The following EHD1 variants were observed in gnomAD, a reference collection of about 807,000 sequenced individuals.
The protein encoded by EHD1 is EH domain containing 1, also known as EH domain-containing protein 1.
Under a neutral mutation model 39.0 loss-of-function variants are expected in EHD1, and 19 were observed. The ratio of observed to expected loss-of-function variants is 0.49; its 90% confidence interval spans 0.34 to 0.72. EHD1 has a LOEUF of 0.72. EHD1 is among the 30% of genes least tolerant of loss of function. EHD1 has a pLI of 0.01. For missense variants in EHD1, 542 were observed against 751.5 expected, an observed-to-expected ratio of 0.72 and a Z score of 3.26; for synonymous variants, 323 against 331.2, an observed-to-expected ratio of 0.98 and a Z score of 0.27.
chr11:64,876,711 T>C (rs1943888922), intron 1 of EHD1, among the ~76,000 whole-genome samples: 1 of 152,196 alleles, frequency 6.6e-6, no homozygotes, highest in Non-Finnish European at 1.5e-5. Context: ...GCTCTGAAAC[T>C]CTAGGCTTCC....
intron 2 of EHD1, among the ~76,000 whole-genome samples, chr11:64,873,481 C>T (rs2136499253): frequency 6.6e-6 from 1 of 152,230 alleles, no homozygotes; most frequent in South Asian, 2.1e-4. Context: ...ACAGCATGGC[C>T]CGATTCTGAT....
chr11:64,872,388 G>A (rs1184436617), intron 2 of EHD1, among the ~76,000 whole-genome samples: 1 of 152,124 alleles, frequency 6.6e-6, no homozygotes, highest in African/African-American at 2.4e-5. Context: ...TTGAACCAGG[G>A]AGGAGGAGGT....
In EHD1 at chr11:64,859,953, C is replaced by T. The variant is rs1405546039; in HGVS notation, c.886G>A (p.Asp296Asn). The T allele has an allele frequency of 6.2e-7, 1 of 1,613,452 alleles. No homozygotes were observed. Among genetic ancestry groups the T allele is most frequent in the East Asian group, 2.2e-5 (1 of 44,882 alleles). The part of the protein sequence containing the change: ...PRNAALRKLN[D>N]LIKRARLAKV... ...GCCAGCCGTGCCCGCTTGATCAGGT[C>T]ATTGAGCTTCCTGAGGGCGGCGTTT... is the stretch of plus-strand genomic sequence containing the variant. The change falls in exon 3 of 5, where the codon GAC becomes AAC. Residue 296 changes from aspartate to asparagine, a missense_variant. Transcript: ENST00000320631.
intron 1 of EHD1, 129 bp from the exon 2 acceptor site, chr11:64,874,647 G>A (rs2136501295): frequency 1.4e-6 from 1 of 722,680 alleles, no homozygotes; most frequent in Non-Finnish European, 2.1e-6. Flanking sequence ...GAACTGACAG[G>A]TGGTTTTCTA....
At chr11:64,876,492 C>A (rs998047432) in intron 1 of EHD1, among the ~76,000 whole-genome samples, 1 of 152,244 alleles carries the variant, frequency 6.6e-6, no homozygotes, top group Non-Finnish European at 1.5e-5. Context: ...GCACCAATGT[C>A]ATCAAAGCAC....
intron 2 of EHD1, among the ~76,000 whole-genome samples, chr11:64,865,623 T>C (rs1307412029): frequency 6.6e-6 from 1 of 152,148 alleles, no homozygotes; most frequent in African/African-American, 2.4e-5. Flanking sequence ...CCCCCTCTGA[T>C]AAGGGATCAT....
chr11:64,872,867 G>T (rs1289641711), intron 2 of EHD1, among the ~76,000 whole-genome samples: 1 of 152,216 alleles, frequency 6.6e-6, no homozygotes. Context: ...CCTAGCTGCC[G>T]GCTTTGACTG....
In EHD1 at chr11:64,859,938, C is replaced by A. The variant is rs772435067; in HGVS notation, c.901G>T (p.Ala301Ser). The change falls in exon 3 of 5, where the codon GCA (alanine) becomes TCA (serine). Residue 301 changes from alanine (A) to serine (S), a missense_variant. Transcript: ENST00000320631. Reference protein sequence around the residue: ...LRKLNDLIKRARLAKVHAYII... With the variant: ...LRKLNDLIKRSRLAKVHAYII... ...CCAGGGTCTACCTTGGCCAGCCGTG[C>A]CCGCTTGATCAGGTCATTGAGCTTC... The A allele has an allele frequency of 6.2e-7, 1 of 1,611,980 alleles. No individual in the cohort carries two copies. Among genetic ancestry groups the A allele is most frequent in the Admixed American group, 1.7e-5 (1 of 59,970 alleles).
At chr11:64,862,816 G>C (rs919778681) in intron 2 of EHD1, among the ~76,000 whole-genome samples, 1 of 152,228 alleles carries the variant, frequency 6.6e-6, no homozygotes, top group Non-Finnish European at 1.5e-5. Context: ...TGAGGCTGCA[G>C]TGAGCCGTGA....
chr11:64,864,050 A>G (rs1943743276), intron 2 of EHD1, among the ~76,000 whole-genome samples: 3 of 152,198 alleles, frequency 2.0e-5, no homozygotes, highest in Admixed American at 2.0e-4. Flanking sequence ...ATGTAAGGAA[A>G]ATCCCAAATC....
chr11:64,875,443 C>G (rs1376454171), intron 1 of EHD1, among the ~76,000 whole-genome samples: 2 of 152,124 alleles, frequency 1.3e-5, no homozygotes, highest in African/African-American at 2.4e-5. Flanking sequence ...CCCAGCTACT[C>G]GGCAGGCTGA....
chr11:64,865,352 C>G (rs1252274749), intron 2 of EHD1, among the ~76,000 whole-genome samples: 4 of 152,258 alleles, frequency 2.6e-5, no homozygotes, highest in Non-Finnish European at 5.9e-5. Context: ...CTGAGCCACT[C>G]TCTAGATCAG....
In EHD1 at chr11:64,853,994, A is replaced by G; in HGVS notation, c.*339T>C. The G allele has an allele frequency of 3.0e-6, 1 of 329,310 alleles. No individual in the cohort carries two copies. Among genetic ancestry groups the G allele is most frequent in the Non-Finnish European group, 5.7e-6 (1 of 176,490 alleles). 20.4% of individuals were successfully genotyped at this position (329,310 alleles called of 1,614,324 possible). A position where few individuals can be genotyped will look rare whatever the true frequency, so the allele number is the denominator to read the frequency against. ...GGCGACCTGGCTCCCCCACGGTCGC[A>G]GTCGCTGCACTGTCCAGCTCCAGCC... On this transcript the variant is annotated 3_prime_UTR_variant, in exon 5 of 5. Transcript: ENST00000320631.
chr11:64,863,339 C>T (rs1426835548), intron 2 of EHD1, among the ~76,000 whole-genome samples: 1 of 152,152 alleles, frequency 6.6e-6, no homozygotes, highest in African/African-American at 2.4e-5. Flanking sequence ...AAAACAGCAG[C>T]GAGGTGGGAG....
At chr11:64,870,945 C>T (rs1943822522) in intron 2 of EHD1, among the ~76,000 whole-genome samples, 2 of 152,184 alleles carry the variant, frequency 1.3e-5, no homozygotes, top group Admixed American at 1.3e-4. Context: ...GCCCCCTTCT[C>T]GTCCCTGAGG....
intron 2 of EHD1, among the ~76,000 whole-genome samples, chr11:64,864,726 T>G (rs1592749341): frequency 6.6e-6 from 1 of 152,332 alleles, no homozygotes; most frequent in East Asian, 1.9e-4. Context: ...AAACTAGAAT[T>G]CACACAGCTG....
rs1439098977 is a variant in EHD1 at position 64,852,051 on chromosome 11, C to G, written c.*2282G>C. 6.6e-6 allele frequency: 1 copy of G among 152,276 alleles called. No homozygotes were observed. The highest frequency in any genetic ancestry group is 1.5e-5 in the Non-Finnish European group (1 of 68,086). 9.4% of individuals were successfully genotyped at this position (152,276 alleles called of 1,614,324 possible). A position where few individuals can be genotyped will look rare whatever the true frequency, so the allele number is the denominator to read the frequency against. ...CCACACCAGCTAGGCTCGGAGCACA[C>G]AACTGGGTCCCTGAAACCCTCAGGA... On this transcript the variant is annotated 3_prime_UTR_variant, in exon 5 of 5. Coordinates refer to ENST00000320631, the MANE Select transcript of EHD1 (RefSeq NM_006795.4).
rs1366254508 is a variant in EHD1, at chr11:64,878,584, G to C, written c.-120C>G. 15 of 1,442,830 alleles carry C rather than the reference G, an allele frequency of 1.0e-5. No individual in the cohort carries two copies. The highest frequency in any genetic ancestry group is 2.8e-5 in the Admixed American group (1 of 36,040). 89.4% of individuals were successfully genotyped at this position (1,442,830 alleles called of 1,614,324 possible). The stretch of plus-strand genomic sequence containing the variant: ...ATCGGGAGCGACCCACACTGCGCAG[G>C]CGCACAGCCCAGCCCGTCGAAGCGC... On this transcript the variant is annotated 5_prime_UTR_variant, in exon 1 of 5. Coordinates refer to ENST00000320631, the MANE Select transcript of EHD1 (RefSeq NM_006795.4).
intron 2 of EHD1, among the ~76,000 whole-genome samples, chr11:64,860,662 T>TGAGCC (rs1402000514): frequency 6.9e-6 from 1 of 145,870 alleles, no homozygotes; most frequent in African/African-American, 2.6e-5. Context: ...GAGGTTGTGG[T>TGAGCC]GAGCCAAGCC....
Sources: gnomAD v4.1 joint callset for allele counts (sites outside exome capture counted in the v4.1 genomes callset) on GRCh38, gnomAD v4.1.1 for gene constraint, MANE v1.5 for transcripts, NCBI Gene and HGNC (gene_info 2026-07-23, HGNC 2026-07-21) for gene names.